SAV1: variants seen among roughly 807,000 people sequenced by gnomAD.
SAV1 encodes salvador family WW domain containing protein 1.
In SAV1, 23 loss-of-function variants were observed where a neutral mutation model predicts 47.3. The ratio of observed to expected loss-of-function variants is 0.49; its 90% CI spans 0.35 to 0.69. The LOEUF (loss-of-function observed/expected upper bound fraction) is 0.69. Among genes scored for constraint, SAV1 ranks in the 30% least tolerant of loss-of-function variants. The pLI, the probability that SAV1 is intolerant of heterozygous loss-of-function variation, is 0.01. For synonymous variants in SAV1, 155 were observed against 159.2 expected (o/e 0.97, Z 0.20); for missense variants, 448 against 457.4 (o/e 0.98, Z 0.19).
intron 2 of SAV1, chr14:50,664,383 C>T (rs2039883914): frequency 1.3e-5 from 2 of 151,836 alleles, no homozygotes; most frequent in African/African-American, 2.4e-5. Context: ...TTTATCCTGC[C>T]AAAATTTAAA....
In SAV1 at chr14:50,634,830, CT is replaced by C. The variant is rs749473498; in HGVS notation, c.*352del. 8,995 of 163,864 alleles carry C rather than the reference CT, an allele frequency of 0.055. 111 individuals are homozygous for C. The highest frequency in any genetic ancestry group is 0.07 in the Non-Finnish European group (5,451 of 78,202). The allele number at this position is 163,864 out of a possible 1,614,324, so 10.2% of individuals were successfully genotyped here. A position where few individuals can be genotyped will look rare whatever the true frequency, so the allele number is the denominator to read the frequency against. ...TTTTTTTAAAAAAATACCGCAGATT[CT>C]TTTTTTTTTTTAAAGAAGGTACTAC... On this transcript the variant is annotated 3_prime_UTR_variant, in exon 5 of 5. Transcript: ENST00000324679.
chr14:50,661,353 T>C (rs2039858454), intron 2 of SAV1, among the ~76,000 whole-genome samples: 1 of 152,254 alleles, frequency 6.6e-6, no homozygotes, highest in African/African-American at 2.4e-5. Flanking sequence ...TATTAGTCCC[T>C]TGCTGGATGA....
intron 4 of SAV1, among the ~76,000 whole-genome samples, chr14:50,638,714 CAG>C (rs2039657468): frequency 6.6e-6 from 1 of 152,166 alleles, no homozygotes; most frequent in Non-Finnish European, 1.5e-5. Context: ...TGAGAAATAA[CAG>C]AAAGTAAATA....
intron 2 of SAV1, among the ~76,000 whole-genome samples, chr14:50,662,033 A>G (rs2039864324): frequency 6.6e-6 from 1 of 152,192 alleles, no homozygotes; most frequent in African/African-American, 2.4e-5. Context: ...ATTGCATTCA[A>G]TCTGTAGATT....
At chr14:50,638,989 G>A (rs1262752787) in intron 4 of SAV1, among the ~76,000 whole-genome samples, 2 of 152,044 alleles carry the variant, frequency 1.3e-5, no homozygotes, top group South Asian at 2.1e-4. Flanking sequence ...GGATGGTCTC[G>A]ATCTCTCGAC....
intron 3 of SAV1, among the ~76,000 whole-genome samples, chr14:50,642,735 A>G (rs114238682): frequency 0.012 from 1,762 of 152,334 alleles, 31 homozygotes; most frequent in African/African-American, 0.041. Flanking sequence ...TGGGATTAAA[A>G]TAAGGTTAGA....
intron 2 of SAV1, among the ~76,000 whole-genome samples, chr14:50,646,374 C>T (rs934305939): frequency 2.0e-5 from 3 of 152,096 alleles, no homozygotes; most frequent in Non-Finnish European, 4.4e-5. Flanking sequence ...ATGGATAAAG[C>T]GAGACTACTG....
In SAV1 at chr14:50,635,542, T is replaced by TGGTGGGC. The variant is rs2039626878; in HGVS notation, c.951-159_951-158insGCCCACC. Among the ~76,000 whole-genome samples, 12 of 152,274 alleles carry TGGTGGGC rather than the reference T, an allele frequency of 7.9e-5. No homozygotes were observed. The South Asian group carries it at 2.1e-3, about 26-fold the overall frequency. ...AACTGGGCACAGTGGTGGCGCCTATTATAGTCCCAGCTACTTGGGAGGCTG... is the reference window on the plus strand; with the variant it reads ...AACTGGGCACAGTGGTGGCGCCTATTGGTGGGCATAGTCCCAGCTACTTGGGAGGCTG... On this transcript the variant is annotated intron_variant, in intron 4 of 4. Coordinates refer to ENST00000324679, the MANE Select transcript of SAV1 (RefSeq NM_021818.4).
At position 50,633,857 on chromosome 14, in the gene SAV1, TTTATAG is replaced by T. The variant is rs2039608198; in HGVS notation, c.*1320_*1325del. 6.4e-6 allele frequency: 1 copy of T among 157,298 alleles called. No homozygotes were observed. The allele number at this position is 157,298 out of a possible 1,614,324, so 9.7% of individuals were successfully genotyped here. ...GTTGAAATTCACAGAATTCTAGAGA[TTTATAG>T]TTATAGTTTAGAAGTATCACCAATT... On this transcript the variant is annotated 3_prime_UTR_variant, in exon 5 of 5. Coordinates refer to ENST00000324679, the MANE Select transcript of SAV1 (RefSeq NM_021818.4).
At position 50,634,202 on chromosome 14, in the gene SAV1, A is replaced by T; in HGVS notation, c.*981T>A. ...GAAAATAAGGAAGATGATGTTAGCAACTTTGAGTTTCACGCACCTTCCCAA... is the reference window on the plus strand; with the variant it reads ...GAAAATAAGGAAGATGATGTTAGCATCTTTGAGTTTCACGCACCTTCCCAA... On this transcript the variant is annotated 3_prime_UTR_variant, in exon 5 of 5. Coordinates refer to ENST00000324679, the MANE Select transcript of SAV1 (RefSeq NM_021818.4). 2.2e-6 allele frequency: 1 copy of T among 455,298 alleles called. No homozygotes were observed. The allele number at this position is 455,298 out of a possible 1,614,324, so 28.2% of individuals were successfully genotyped here.
In SAV1 at chr14:50,634,324, G is replaced by T; in HGVS notation, c.*859C>A. On this transcript the variant is annotated 3_prime_UTR_variant, in exon 5 of 5. Transcript: ENST00000324679. ...AATACTTTCTCAACATGCTTTAAAA[G>T]GATTCCTTATTTTGTTTTTATTTTT... 3 of 277,188 alleles carry T rather than the reference G, an allele frequency of 1.1e-5. No homozygotes were observed. Among genetic ancestry groups the T allele is most frequent in the East Asian group, 9.7e-5 (1 of 10,330 alleles). The allele number at this position is 277,188 out of a possible 1,614,324, so 17.2% of individuals were successfully genotyped here. A position where few individuals can be genotyped will look rare whatever the true frequency, so the allele number is the denominator to read the frequency against.
rs2039626369 is a variant in SAV1, at chr14:50,635,489, A to G, written c.951-105T>C. Reference sequence around the variant, plus strand: ...TAAAATGTCAACTTTATTTATAACTAAACAAACCATAAGTTTTAATTAAAA... The same window carrying G: ...TAAAATGTCAACTTTATTTATAACTGAACAAACCATAAGTTTTAATTAAAA... On this transcript the variant is annotated intron_variant, in intron 4 of 4. Transcript: ENST00000324679. 7 of 882,912 alleles carry G rather than the reference A, an allele frequency of 7.9e-6. No individual in the cohort carries two copies. The South Asian group carries it at 8.5e-5, about 11-fold the overall frequency. 54.7% of individuals were successfully genotyped at this position (882,912 alleles called of 1,614,324 possible).
chr14:50,634,177 GA>G lies in SAV1; in HGVS notation c.*1005del, dbSNP rs560039556. On this transcript the variant is annotated 3_prime_UTR_variant, in exon 5 of 5. Coordinates refer to ENST00000324679, the MANE Select transcript of SAV1 (RefSeq NM_021818.4). ...GCTAAATGCAGTAACAGCACTGGCT[GA>G]AAATAAGGAAGATGATGTTAGCAAC... is the stretch of plus-strand genomic sequence containing the variant. 5.3e-3 allele frequency: 2,392 copies of G among 455,214 alleles called. 10 individuals are homozygous for G. The highest frequency in any genetic ancestry group is 7.0e-3 in the Non-Finnish European group (1,582 of 226,332). The allele number at this position is 455,214 out of a possible 1,614,324, so 28.2% of individuals were successfully genotyped here.
chr14:50,661,023 G>C (rs945299634), intron 2 of SAV1, among the ~76,000 whole-genome samples: 2 of 152,228 alleles, frequency 1.3e-5, no homozygotes, highest in Non-Finnish European at 2.9e-5. Flanking sequence ...GGTTTTCTGA[G>C]AAATTTCCAA....
At chr14:50,652,585 A>C (rs1193030117) in intron 2 of SAV1, among the ~76,000 whole-genome samples, 2 of 152,270 alleles carry the variant, frequency 1.3e-5, no homozygotes, top group African/African-American at 4.8e-5. Flanking sequence ...CCAAAGCAGC[A>C]GCAATTTAAA....
At chr14:50,657,187 A>G (rs1409363781) in intron 2 of SAV1, among the ~76,000 whole-genome samples, 3 of 152,080 alleles carry the variant, frequency 2.0e-5, no homozygotes, top group Non-Finnish European at 4.4e-5. Context: ...GGCACACACC[A>G]CCATGCCCAG....
intron 4 of SAV1, among the ~76,000 whole-genome samples, chr14:50,636,411 G>T (rs951721864): frequency 6.6e-6 from 1 of 151,958 alleles, no homozygotes; most frequent in African/African-American, 2.4e-5. Flanking sequence ...TGAGTACACA[G>T]CATCTAAAAA....
intron 2 of SAV1, among the ~76,000 whole-genome samples, chr14:50,645,388 G>A (rs1358837611): frequency 6.6e-6 from 1 of 152,090 alleles, no homozygotes; most frequent in East Asian, 1.9e-4. Flanking sequence ...CTGACCTTAT[G>A]TGATGAGTCA....
Position 50,668,079 on chromosome 14 carries a change from AGCCGCCGCCTCC to A in SAV1, c.-124_-113del. On this transcript the variant is annotated 5_prime_UTR_variant, in exon 1 of 5. Coordinates refer to ENST00000324679, the MANE Select transcript of SAV1 (RefSeq NM_021818.4). ...GGCGCCGCCGCCTCCTTCCCTCCCG[AGCCGCCGCCTCC>A]GCCGCCGCCTGTCCGGAGCCCGGGG... 2 of 634,932 alleles carry A rather than the reference AGCCGCCGCCTCC, an allele frequency of 3.1e-6. No homozygotes were observed. Among genetic ancestry groups the A allele is most frequent in the Non-Finnish European group, 4.5e-6 (2 of 444,714 alleles). The allele number at this position is 634,932 out of a possible 1,614,324, so 39.3% of individuals were successfully genotyped here.
Sources: allele counts gnomAD v4.1 joint callset (sites outside exome capture counted in the v4.1 genomes callset), GRCh38; gene constraint gnomAD v4.1.1; transcripts MANE v1.5; gene names NCBI Gene and HGNC (gene_info 2026-07-23, HGNC 2026-07-21).